TVP23A: variants seen among roughly 807,000 people sequenced by gnomAD.
TVP23A encodes the protein Golgi apparatus membrane protein TVP23 homolog A.
TVP23A carries 21 observed loss-of-function variants against 31.7 expected under a neutral mutation model. The observed-to-expected ratio is 0.66, with a 90% CI of 0.47 to 0.95. TVP23A has a LOEUF of 0.95. Among genes scored for constraint, TVP23A ranks in the 40% least tolerant of loss-of-function variants. The pLI is 0.00. For missense variants in TVP23A, 279 were observed against 255.6 expected, an observed-to-expected ratio of 1.09 and a Z score of -0.62; for synonymous variants, 104 against 96.0, an observed-to-expected ratio of 1.08 and a Z score of -0.49.
chr16:10,796,302 T>A (rs71386502), intron 2 of TVP23A, among the ~76,000 whole-genome samples: 1 of 151,972 alleles, frequency 6.6e-6, no homozygotes, highest in East Asian at 1.9e-4. Context: ...ATCATGCCAC[T>A]TGCACTCCAG....
chr16:10,792,845 A>T (rs1291781437), intron 2 of TVP23A, among the ~76,000 whole-genome samples: 1 of 152,254 alleles, frequency 6.6e-6, no homozygotes, highest in South Asian at 2.1e-4. Flanking sequence ...GACTGTTGGG[A>T]TATCTGAGCA....
intron 2 of TVP23A, among the ~76,000 whole-genome samples, chr16:10,798,885 A>C (rs2033549867): frequency 6.6e-6 from 1 of 152,160 alleles, no homozygotes; most frequent in Admixed American, 6.5e-5. Flanking sequence ...GATGGTCTCG[A>C]TCTCCTGACC....
rs1381960805 is a variant in TVP23A, at chr16:10,818,513, CT to C, written c.-21del. 1 of 1,602,214 alleles carries C rather than the reference CT, an allele frequency of 6.2e-7. No individual in the cohort carries two copies. The highest frequency in any genetic ancestry group is 1.3e-5 in the African/African-American group (1 of 74,858). The stretch of plus-strand genomic sequence containing the variant: ...CTTCATCACCCTCCCAGGAGCCCAC[CT>C]GGCGCCCAGGCCCGGGGCTCCAGCT... On this transcript the variant is annotated 5_prime_UTR_variant, in exon 1 of 8. Transcript: ENST00000299866. The surrounding 1 kb of genome is among the most constrained non-coding windows in gnomAD (Gnocchi z 4.7).
At chr16:10,762,518 C>A (rs181055612), downstream of TVP23A, among the ~76,000 whole-genome samples, 33 of 152,336 alleles carry the variant, frequency 2.2e-4, no homozygotes, top group African/African-American at 6.3e-4. Context: ...CGAAGCTGCT[C>A]CCCCAGGAGG....
chr16:10,800,829 A>AT (rs1043764747), intron 2 of TVP23A, among the ~76,000 whole-genome samples: 11 of 151,812 alleles, frequency 7.2e-5, no homozygotes, highest in African/African-American at 2.7e-4. Context: ...ACTAAAAATA[A>AT]TTTTTTAAAA....
At chr16:10,791,596 G>T (rs1369106348) in intron 2 of TVP23A, among the ~76,000 whole-genome samples, 3 of 152,118 alleles carry the variant, frequency 2.0e-5, no homozygotes, top group African/African-American at 7.2e-5. Context: ...CAACATGGAG[G>T]CTCCATCTTC....
chr16:10,769,147 A>G (rs1204265718), intron 7 of TVP23A, 46 bp from the exon 8 acceptor site: 14 of 1,591,620 alleles, frequency 8.8e-6, no homozygotes, highest in African/African-American at 1.3e-5. Flanking sequence ...CGAGCGAGGC[A>G]CTCACTGGGC....
At chr16:10,804,369 C>A (rs1463263901) in intron 2 of TVP23A, among the ~76,000 whole-genome samples, 2 of 152,210 alleles carry the variant, frequency 1.3e-5, no homozygotes, top group Non-Finnish European at 2.9e-5. Context: ...GGAAATCAGT[C>A]AACTGAGTGG....
At chr16:10,761,156 T>A (rs1900942440), downstream of TVP23A, 4 of 466,324 alleles carry the variant, frequency 8.6e-6, no homozygotes, top group Admixed American at 1.1e-4. Context: ...CACCAGGAAC[T>A]GCCTGTTCCT....
chr16:10,787,110 CCAGCG>C (rs2142975355), intron 2 of TVP23A, among the ~76,000 whole-genome samples: 2 of 152,294 alleles, frequency 1.3e-5, no homozygotes, highest in Admixed American at 1.3e-4. Flanking sequence ...CTGCACCTGG[CCAGCG>C]TGGTGCAGGG....
At chr16:10,799,509 G>A (rs934929367) in intron 2 of TVP23A, among the ~76,000 whole-genome samples, 1 of 152,058 alleles carries the variant, frequency 6.6e-6, no homozygotes, top group Non-Finnish European at 1.5e-5. Context: ...AATTTTTGTA[G>A]TTTTAGTGGA....
In TVP23A at chr16:10,813,611, G is replaced by C. The variant is rs57766510; in HGVS notation, c.89+4492C>G. 4.1e-3 allele frequency among the ~76,000 whole-genome samples: 623 copies of C among 152,220 alleles called. 2 individuals are homozygous for C. The highest frequency in any genetic ancestry group is 0.014 in the African/African-American group (598 of 41,528). On this transcript the variant is annotated intron_variant, in intron 2 of 7. Coordinates refer to ENST00000299866, the MANE Select transcript of TVP23A (RefSeq NM_001079512.4). ...ACAAATAAACAAATAAATAAATAAA[G>C]TTTGGATCCTTTTTCTAAAACAACA...
chr16:10,798,825 A>G (rs775644728), intron 2 of TVP23A, among the ~76,000 whole-genome samples: 1 of 151,992 alleles, frequency 6.6e-6, no homozygotes, highest in African/African-American at 2.4e-5. Context: ...CACCACACCC[A>G]GCTAATTTTT....
chr16:10,793,882 G>C (rs1012837739), intron 2 of TVP23A, among the ~76,000 whole-genome samples: 5 of 108,010 alleles, frequency 4.6e-5, no homozygotes. Context: ...CTGGGTGACA[G>C]AGTGAGACCC....
Position 10,766,748 on chromosome 16 carries a change from A to G in TVP23A, c.*2354T>C, listed in dbSNP as rs1422377928. On this transcript the variant is annotated 3_prime_UTR_variant, in exon 8 of 8. Transcript: ENST00000299866. This position sits in a 1 kb window ranked among gnomAD's most constrained non-coding sequence, Gnocchi z 4.8. ...GTGTGGGAGGAGAACGGGCCTGAGA[A>G]TAGGGGCTCAAAGGCCCCATTACAG... The G allele has an allele frequency of 5.1e-6, 2 of 395,066 alleles. No individual in the cohort carries two copies. The highest frequency in any genetic ancestry group is 4.1e-5 in the African/African-American group (2 of 48,582). 24.5% of individuals were successfully genotyped at this position (395,066 alleles called of 1,614,324 possible).
Position 10,801,843 on chromosome 16 carries a change from C to T in TVP23A, c.89+16260G>A, listed in dbSNP as rs115531209. ...TAGTCTCTTAGTTTCCATAATCGCA[C>T]TCTGCTTACATAAGAGAATGTCCTT... On this transcript the variant is annotated intron_variant, in intron 2 of 7. Coordinates refer to ENST00000299866, the MANE Select transcript of TVP23A (RefSeq NM_001079512.4). Among the ~76,000 whole-genome samples, 521 of 152,234 alleles carry T rather than the reference C, an allele frequency of 3.4e-3. 1 individual carries two copies. The highest frequency in any genetic ancestry group is 0.012 in the African/African-American group (490 of 41,544).
At chr16:10,778,203 A>C (rs977276950) in intron 2 of TVP23A, among the ~76,000 whole-genome samples, 2 of 150,850 alleles carry the variant, frequency 1.3e-5, no homozygotes, top group Non-Finnish European at 3.0e-5. Context: ...TTGTGGTGGC[A>C]GGTGCCTGTA....
intron 2 of TVP23A, among the ~76,000 whole-genome samples, chr16:10,811,356 C>T (rs950001662): frequency 2.6e-5 from 4 of 152,114 alleles, no homozygotes; most frequent in Non-Finnish European, 5.9e-5. Flanking sequence ...GCAGCCTTGA[C>T]CTCCCAGGCT....
In TVP23A at chr16:10,769,090, C is replaced by A; in HGVS notation, c.*12G>T. 3 of 1,614,012 alleles carry A rather than the reference C, an allele frequency of 1.9e-6. No homozygotes were observed. Among genetic ancestry groups the A allele is most frequent in the Non-Finnish European group, 2.5e-6 (3 of 1,179,952 alleles). ...ATCTCCATCAGTCAAAAGAAGAGAA[C>A]CTCATCAGTTCCTGAAACGAGAGAA... On this transcript the variant is annotated 3_prime_UTR_variant, in exon 8 of 8. Coordinates refer to ENST00000299866, the MANE Select transcript of TVP23A (RefSeq NM_001079512.4).
Sources: gnomAD v4.1 joint callset for allele counts (sites outside exome capture counted in the v4.1 genomes callset) on GRCh38, gnomAD v4.1.1 for gene constraint, Gnocchi (gnomAD v3.1) non-coding constraint, MANE v1.5 for transcripts, NCBI Gene and HGNC (gene_info 2026-07-23, HGNC 2026-07-21) for gene names.